The following TTC7A variants were observed in gnomAD, a reference collection of about 807,000 sequenced individuals.
The protein encoded by TTC7A is tetratricopeptide repeat protein 7A.
A neutral mutation model predicts 103.7 loss-of-function variants in TTC7A; 110 were observed. That is an observed-to-expected ratio of 1.06 (90% CI 0.91 to 1.24). TTC7A has a LOEUF of 1.24. Among genes scored for constraint, TTC7A ranks in the 50% most tolerant of loss-of-function variants. The pLI, the probability that TTC7A is intolerant of heterozygous loss-of-function variation, is 0.00. For synonymous variants in TTC7A, 521 were observed against 467.9 expected (o/e 1.11, Z -1.47); for missense variants, 1,340 against 1,116.3 (o/e 1.20, Z -2.86).
intron 1 of TTC7A, among the ~76,000 whole-genome samples, chr2:46,916,976 A>G (rs1668834941): frequency 6.6e-6 from 1 of 151,284 alleles, no homozygotes; most frequent in Non-Finnish European, 1.5e-5. Flanking sequence ...TTCTGTCCAT[A>G]AAGGTACATA....
At chr2:47,022,154 C>T (rs1399902361) in intron 12 of TTC7A, among the ~76,000 whole-genome samples, 175 bp downstream of exon 12, 3 of 152,198 alleles carry the variant, frequency 2.0e-5, no homozygotes, top group South Asian at 2.1e-4. Flanking sequence ...CATACACACA[C>T]GCGCCCCTCA....
chr2:46,972,189 T>C (rs973410942), intron 3 of TTC7A, among the ~76,000 whole-genome samples: 4 of 151,886 alleles, frequency 2.6e-5, no homozygotes, highest in Non-Finnish European at 4.4e-5. Context: ...TCAATATTTT[T>C]CCTGTCTTAA....
intron 3 of TTC7A, among the ~76,000 whole-genome samples, chr2:46,965,859 C>T (rs576473970): frequency 5.3e-5 from 8 of 152,102 alleles, no homozygotes; most frequent in East Asian, 3.9e-4. Context: ...CACCATGCCC[C>T]GCTTAGATTT....
At chr2:46,916,153 C>G (rs894503497), upstream of TTC7A, 6 of 985,436 alleles carry the variant, frequency 6.1e-6, no homozygotes, top group African/African-American at 1.0e-4. Context: ...ACTCCGCTCA[C>G]CCCCTCCTAT....
intron 11 of TTC7A, among the ~76,000 whole-genome samples, chr2:47,019,253 C>A (rs904602925): frequency 1.3e-5 from 2 of 151,978 alleles, no homozygotes; most frequent in Non-Finnish European, 2.9e-5. Flanking sequence ...AAAATTATGG[C>A]CGGATGTGTT....
chr2:46,994,247 G>A (rs916363736), intron 6 of TTC7A, 110 bp from the exon 7 acceptor site: 14 of 1,339,174 alleles, frequency 1.0e-5, no homozygotes, highest in Admixed American at 8.6e-5. Context: ...CCAAAGGGCC[G>A]CACATTGCAA....
In TTC7A at chr2:47,005,950, T is replaced by A. The variant is rs558187503; in HGVS notation, c.1094T>A (p.Val365Glu). ...MATRDVVLSR[V>E]PEQEEDRTVS... ...ACTCGAGATGTGGTGCTGAGCCGGG[T>A]GCCGGAGCAGGAGGAGGACCGGACA... The change falls in exon 9 of 20, where the codon GTG becomes GAG. Residue 365 changes from valine to glutamate, a missense_variant. Transcript: ENST00000319190. 3 of 1,614,002 alleles carry A rather than the reference T, an allele frequency of 1.9e-6. No homozygotes were observed. The highest frequency in any genetic ancestry group is 2.5e-6 in the Non-Finnish European group (3 of 1,179,998).
At chr2:47,061,590 TCAGAGGCTGGGGAGCA>T (rs1470743413) in intron 19 of TTC7A, among the ~76,000 whole-genome samples, 1 of 152,158 alleles carries the variant, frequency 6.6e-6, no homozygotes, top group Non-Finnish European at 1.5e-5. Flanking sequence ...TGTGGGAAGC[TCAGAGGCTGGGGAGCA>T]GGATGCTGAT....
At chr2:46,976,587 C>G (rs1316736418) in intron 4 of TTC7A, among the ~76,000 whole-genome samples, 3 of 152,182 alleles carry the variant, frequency 2.0e-5, no homozygotes, top group Non-Finnish European at 4.4e-5. Context: ...AGAGTCCACC[C>G]CAGGCCAGGT....
chr2:46,960,494 T>TG (rs541226307), intron 3 of TTC7A, among the ~76,000 whole-genome samples: 1 of 152,104 alleles, frequency 6.6e-6, no homozygotes, highest in Non-Finnish European at 1.5e-5. Flanking sequence ...TGTAGGGGGA[T>TG]GGGGGGAAGC....
chr2:47,036,223 T>C (rs1681088610), intron 15 of TTC7A, among the ~76,000 whole-genome samples: 1 of 152,190 alleles, frequency 6.6e-6, no homozygotes, highest in Non-Finnish European at 1.5e-5. Context: ...AGGGGCAGGC[T>C]GCTCTCAGAG....
At chr2:47,003,752 T>A (rs1677088052) in intron 8 of TTC7A, among the ~76,000 whole-genome samples, 1 of 152,228 alleles carries the variant, frequency 6.6e-6, no homozygotes, top group Non-Finnish European at 1.5e-5. Flanking sequence ...ATGCTGCTCC[T>A]TCCTGTTCTC....
At chr2:46,936,519 TG>T (rs776131575), upstream of TTC7A, among the ~76,000 whole-genome samples, 1 of 152,148 alleles carries the variant, frequency 6.6e-6, no homozygotes, top group Non-Finnish European at 1.5e-5. Context: ...GCTATGAGGC[TG>T]GGGGGTCCTG....
At chr2:47,028,636 C>T (rs1468425252) in intron 14 of TTC7A, among the ~76,000 whole-genome samples, 1 of 152,218 alleles carries the variant, frequency 6.6e-6, no homozygotes, top group Non-Finnish European at 1.5e-5. Context: ...TAGAATGTGG[C>T]TTTCCTGACC....
At chr2:47,003,239 T>C (rs1427576248) in intron 8 of TTC7A, among the ~76,000 whole-genome samples, 2 of 152,118 alleles carry the variant, frequency 1.3e-5, no homozygotes, top group Non-Finnish European at 2.9e-5. Context: ...GCCAGGAGTC[T>C]AGCCATGAGC....
At chr2:46,967,970 CT>C (rs1673003270) in intron 3 of TTC7A, among the ~76,000 whole-genome samples, 2 of 151,964 alleles carry the variant, frequency 1.3e-5, no homozygotes, top group Admixed American at 6.6e-5. Context: ...GGTGCTGCAG[CT>C]GTCCTCGTGC....
intron 18 of TTC7A, among the ~76,000 whole-genome samples, chr2:47,052,342 A>G (rs1449730272): frequency 1.3e-5 from 2 of 152,180 alleles, no homozygotes; most frequent in African/African-American, 2.4e-5. Context: ...AAGGCCAGCC[A>G]GTGTTGGGGA....
chr2:47,047,222 GGCCTCAGGGGACCCC>G, intron 16 of TTC7A: 1 of 1,143,060 alleles, frequency 8.7e-7, no homozygotes, highest in South Asian at 1.4e-5. Context: ...ATCTCCCTGA[GGCCTCAGGGGACCCC>G]AGTCTGGTGT....
intron 3 of TTC7A, among the ~76,000 whole-genome samples, chr2:46,970,401 G>A (rs1673252587): frequency 6.6e-6 from 1 of 152,264 alleles, no homozygotes; most frequent in Admixed American, 6.5e-5. Context: ...GAGGCCCACA[G>A]ACCATTGTTC....
Sources: allele counts gnomAD v4.1 joint callset (sites outside exome capture counted in the v4.1 genomes callset), GRCh38; gene constraint gnomAD v4.1.1; transcripts MANE v1.5; gene names NCBI Gene and HGNC (gene_info 2026-07-23, HGNC 2026-07-21).